HHAT: variants seen among roughly 807,000 people sequenced by gnomAD.
HHAT encodes the protein protein-cysteine N-palmitoyltransferase HHAT.
HHAT carries 47 observed loss-of-function variants against 70.8 expected under a neutral mutation model. The ratio of observed to expected loss-of-function variants is 0.66; its 90% CI spans 0.53 to 0.85. HHAT has a LOEUF of 0.85. HHAT is among the 40% of genes least tolerant of loss of function. The pLI, the probability that HHAT is intolerant of heterozygous loss-of-function variation, is 0.00. For missense variants in HHAT, 609 were observed against 604.8 expected, an observed-to-expected ratio of 1.01 and a Z score of -0.07; for synonymous variants, 228 against 247.6, an observed-to-expected ratio of 0.92 and a Z score of 0.74.
At chr1:210,654,663 C>G (rs1404830324) in intron 11 of HHAT, among the ~76,000 whole-genome samples, 2 of 152,210 alleles carry the variant, frequency 1.3e-5, no homozygotes, top group African/African-American at 4.8e-5. Context: ...ATGAGAGTCG[C>G]ATGATGGTTA....
intron 4 of HHAT, among the ~76,000 whole-genome samples, chr1:210,396,637 C>T (rs1162532927): frequency 6.6e-6 from 1 of 152,202 alleles, no homozygotes; most frequent in Non-Finnish European, 1.5e-5. Flanking sequence ...AAAATCTATG[C>T]ATGTGTGTTT....
intron 6 of HHAT, among the ~76,000 whole-genome samples, chr1:210,408,731 T>G (rs2092425970): frequency 6.6e-6 from 1 of 152,192 alleles, no homozygotes; most frequent in South Asian, 2.1e-4. Context: ...GCAAGAGCTG[T>G]GCAAGGCAGT....
At chr1:210,509,685 C>G (rs1253899201) in intron 8 of HHAT, among the ~76,000 whole-genome samples, 1 of 152,178 alleles carries the variant, frequency 6.6e-6, no homozygotes, top group African/African-American at 2.4e-5. Context: ...ATTAACATCC[C>G]CCCTTCTCCA....
At chr1:210,423,743 A>G (rs2092973705) in intron 7 of HHAT, among the ~76,000 whole-genome samples, 1 of 152,166 alleles carries the variant, frequency 6.6e-6, no homozygotes, top group Non-Finnish European at 1.5e-5. Context: ...GTCTGGTTCC[A>G]TTCTTCTGCA....
rs145396911 is a variant in HHAT, at chr1:210,538,848, A to G, written c.1043+25660A>G. Reference sequence around the variant, plus strand: ...TCCCAGCACTTTGGGAGGCCGAGGCAGGTGAATCACCTGAGATCAGGAGTT... The same window carrying G: ...TCCCAGCACTTTGGGAGGCCGAGGCGGGTGAATCACCTGAGATCAGGAGTT... On this transcript the variant is annotated intron_variant, in intron 9 of 11. Transcript: ENST00000261458. Among the ~76,000 whole-genome samples the G allele has an allele frequency of 8.1e-4, 123 of 152,302 alleles. 1 individual carries two copies. In the East Asian group the frequency reaches 0.018, roughly 22 times the overall value.
At chr1:210,541,330 A>T (rs1039608511) in intron 9 of HHAT, among the ~76,000 whole-genome samples, 1 of 152,174 alleles carries the variant, frequency 6.6e-6, no homozygotes, top group Non-Finnish European at 1.5e-5. Context: ...TGTGAATCCA[A>T]TAGACTGTGG....
intron 11 of HHAT, among the ~76,000 whole-genome samples, chr1:210,647,112 G>A (rs1246796684): frequency 6.6e-6 from 1 of 152,196 alleles, no homozygotes; most frequent in East Asian, 1.9e-4. Flanking sequence ...CCAAGCGTCA[G>A]AAGCGCATTC....
chr1:210,358,941 G>A (rs1041961058), intron 2 of HHAT, among the ~76,000 whole-genome samples: 11 of 152,204 alleles, frequency 7.2e-5, no homozygotes, highest in East Asian at 1.9e-4. Context: ...CTCTCACTCA[G>A]TAGGTAGGAT....
intron 8 of HHAT, among the ~76,000 whole-genome samples, chr1:210,482,058 T>C (rs1392711200): frequency 1.3e-5 from 2 of 152,116 alleles, no homozygotes; most frequent in East Asian, 3.9e-4. Flanking sequence ...TTGGTTTGTA[T>C]CTGAGTTAGA....
intron 2 of HHAT, among the ~76,000 whole-genome samples, chr1:210,362,146 A>T (rs1035867142): frequency 6.6e-6 from 1 of 152,058 alleles, no homozygotes; most frequent in African/African-American, 2.4e-5. Flanking sequence ...GCTCATTACC[A>T]TTATATGACT....
chr1:210,466,064 G>C (rs958169683), intron 8 of HHAT, among the ~76,000 whole-genome samples: 1 of 147,502 alleles, frequency 6.8e-6, no homozygotes, highest in East Asian at 2.0e-4. Flanking sequence ...TGCAAGGAAT[G>C]AATTGCAAGG....
At chr1:210,410,442 C>CTT (rs1415079424) in intron 6 of HHAT, among the ~76,000 whole-genome samples, 48 of 137,248 alleles carry the variant, frequency 3.5e-4, no homozygotes, top group African/African-American at 7.8e-4. Context: ...GATGAAAAAC[C>CTT]TTTTGTTTTT....
intron 8 of HHAT, among the ~76,000 whole-genome samples, chr1:210,495,291 A>G (rs191745289): frequency 1.9e-4 from 28 of 151,254 alleles, no homozygotes; most frequent in Non-Finnish European, 3.5e-4. Flanking sequence ...AAATTATAAT[A>G]TATTACAAAA....
chr1:210,351,876 G>A (rs979502843), intron 2 of HHAT, among the ~76,000 whole-genome samples: 2 of 152,188 alleles, frequency 1.3e-5, no homozygotes, highest in African/African-American at 4.8e-5. Context: ...AAATCACAGG[G>A]CCAGTCCAGA....
At chr1:210,331,257 T>G (rs4844999) in intron 1 of HHAT, among the ~76,000 whole-genome samples, 89,712 of 151,192 alleles carry the variant, frequency 0.59, 27,900 homozygotes, top group African/African-American at 0.78. Context: ...TCTGGGGGGG[T>G]GTGTTGGTAG....
At chr1:210,484,831 G>T (rs1247259172) in intron 8 of HHAT, among the ~76,000 whole-genome samples, 1 of 152,136 alleles carries the variant, frequency 6.6e-6, no homozygotes, top group Admixed American at 6.6e-5. Context: ...CTCAGTCTTA[G>T]CCAATGGGAG....
At chr1:210,552,518 A>G (rs1268101185) in intron 9 of HHAT, among the ~76,000 whole-genome samples, 1 of 152,232 alleles carries the variant, frequency 6.6e-6, no homozygotes, top group Non-Finnish European at 1.5e-5. Context: ...TAGGCAAACA[A>G]GATTAAGCAA....
At chr1:210,404,719 A>G (rs2092254983) in intron 6 of HHAT, 40 bp downstream of exon 6, 1 of 1,538,088 alleles carries the variant, frequency 6.5e-7, no homozygotes, top group African/African-American at 1.4e-5. Flanking sequence ...TCTATAGCTT[A>G]AGCCTTTGTC....
At position 210,585,185 on chromosome 1, in the gene HHAT, CCTTCCCAGCTGTGTACCT is replaced by C. The variant is rs1267878041; in HGVS notation, c.1044-2712_1044-2695del. Among the ~76,000 whole-genome samples, 1,379 of 152,142 alleles carry C rather than the reference CCTTCCCAGCTGTGTACCT, an allele frequency of 9.1e-3. 23 individuals carry two copies. Among genetic ancestry groups the C allele is most frequent in the African/African-American group, 0.028 (1,175 of 41,436 alleles). ...TGCAGATTTGCATCTTTGTCTTTCT[CCTTCCCAGCTGTGTACCT>C]TGGGCAAATTAATTTCTCAACCTCA... On this transcript the variant is annotated intron_variant, in intron 9 of 11. Transcript: ENST00000261458.
Sources: allele counts gnomAD v4.1 joint callset (sites outside exome capture counted in the v4.1 genomes callset), GRCh38; gene constraint gnomAD v4.1.1; transcripts MANE v1.5; gene names NCBI Gene and HGNC (gene_info 2026-07-23, HGNC 2026-07-21).